Variants in SNX17 observed in about 807,000 individuals in gnomAD.
SNX17 encodes the protein sorting nexin 17, also known as sorting nexin-17.
A neutral mutation model predicts 64.3 loss-of-function variants in SNX17; 35 were observed. That is an observed-to-expected ratio of 0.54 (90% CI 0.42 to 0.72). SNX17 has a LOEUF of 0.72. Ranked by LOEUF, SNX17 falls within the 30% of genes least tolerant of loss-of-function variation. SNX17 has a pLI of 0.00. For missense variants in SNX17, 538 were observed against 610.0 expected, an observed-to-expected ratio of 0.88 and a Z score of 1.24; for synonymous variants, 259 against 230.2, an observed-to-expected ratio of 1.13 and a Z score of -1.13.
intron 5 of SNX17, 34 bp from the exon 6 acceptor site, chr2:27,374,051 G>A (rs781126520): frequency 3.7e-6 from 6 of 1,610,696 alleles, no homozygotes; most frequent in Non-Finnish European, 4.2e-6. Context: ...GAACCAGCCA[G>A]TATGATGAGC....
chr2:27,376,571 C>T, intron 14 of SNX17, 35 bp from the exon 15 acceptor site: 1 of 1,613,796 alleles, frequency 6.2e-7, no homozygotes, highest in Non-Finnish European at 8.5e-7. Flanking sequence ...TCTTGCACGC[C>T]CAAGATCTCT....
intron 7 of SNX17, 66 bp downstream of exon 7, chr2:27,374,499 T>G: frequency 6.9e-7 from 1 of 1,449,450 alleles, no homozygotes. Flanking sequence ...TTGGGCCACA[T>G]ATTGAGACAG....
At position 27,374,348 on chromosome 2, in the gene SNX17, G is replaced by A. The variant is rs1682949793; in HGVS notation, c.526G>A (p.Val176Ile). 1 of 1,595,008 alleles carries A rather than the reference G, an allele frequency of 6.3e-7. No individual in the cohort carries two copies. Among genetic ancestry groups the A allele is most frequent in the Non-Finnish European group, 8.5e-7 (1 of 1,170,004 alleles). The change falls in exon 7 of 15, where the codon GTA becomes ATA. Residue 176 changes from valine (V) to isoleucine (I), a missense_variant and splice_region_variant. Coordinates refer to ENST00000233575, the MANE Select transcript of SNX17 (RefSeq NM_014748.4). ...REKEDGAFSFVRKLQEFELPY... is the reference protein window; with the variant it reads ...REKEDGAFSFIRKLQEFELPY... The stretch of plus-strand genomic sequence containing the variant: ...ATTTTTTTTTTTTTAACCTGTAGTT[G>A]TACGGAAGTTGCAAGAGTTTGAGCT...
Position 27,377,188 on chromosome 2 carries a change from G to T in SNX17, c.*469G>T. On this transcript the variant is annotated 3_prime_UTR_variant, in exon 15 of 15. Coordinates refer to ENST00000233575, the MANE Select transcript of SNX17 (RefSeq NM_014748.4). The surrounding 1 kb of genome is among the most constrained non-coding windows in gnomAD (Gnocchi z 4.4). ...ATCACAGCATGGACTACTATGCTAAGGGTAAGGCCAAATTGCCTGCCATTG... is the reference window on the plus strand; with the variant it reads ...ATCACAGCATGGACTACTATGCTAATGGTAAGGCCAAATTGCCTGCCATTG... 1 of 464,038 alleles carries T rather than the reference G, an allele frequency of 2.2e-6. No individual in the cohort carries two copies. The highest frequency in any genetic ancestry group is 4.0e-6 in the Non-Finnish European group (1 of 250,590). 28.7% of individuals were successfully genotyped at this position (464,038 alleles called of 1,614,324 possible). A position where few individuals can be genotyped will look rare whatever the true frequency, so the allele number is the denominator to read the frequency against.
chr2:27,374,167 C>T lies in SNX17; in HGVS notation c.515C>T (p.Ala172Val). The T allele has an allele frequency of 1.2e-6, 2 of 1,613,700 alleles. No homozygotes were observed. The highest frequency in any genetic ancestry group is 1.7e-6 in the Non-Finnish European group (2 of 1,179,890). Residue 172 changes from alanine (A) to valine (V), a missense_variant, in exon 6 of 15, where the codon GCC becomes GTC. Ala to Val is a moderately conservative substitution (Grantham distance 64). Transcript: ENST00000233575. The stretch of plus-strand genomic sequence containing the variant: ...TTAGTTCGAGAAAAAGAGGATGGAG[C>T]CTTTTCTTGTGAGTTTCTCTGGACT... ...LFLVREKEDGAFSFVRKLQEF... is the reference protein window; with the variant it reads ...LFLVREKEDGVFSFVRKLQEF...
chr2:27,371,228 G>T, intron 1 of SNX17, 41 bp from the exon 2 acceptor site: 2 of 1,581,186 alleles, frequency 1.3e-6, no homozygotes, highest in South Asian at 2.2e-5. Flanking sequence ...GGGTTGCGCA[G>T]ACCGCAACCC....
rs1683098833 is a variant in SNX17, at chr2:27,375,449, T to A, written c.775-57T>A. The A allele has an allele frequency of 6.2e-6, 10 of 1,603,030 alleles. No individual in the cohort carries two copies. The highest frequency in any genetic ancestry group is 8.5e-6 in the Non-Finnish European group (10 of 1,172,044). On this transcript the variant is annotated intron_variant, in intron 9 of 14. Transcript: ENST00000233575. The surrounding 1 kb of genome is among the most constrained non-coding windows in gnomAD (Gnocchi z 4.1). Reference sequence around the variant, plus strand: ...CACCGCGCCCGACCGGGGTTGCTTTTTCTGAGCTGCCCCATTCTCCCTCCT... The same window carrying A: ...CACCGCGCCCGACCGGGGTTGCTTTATCTGAGCTGCCCCATTCTCCCTCCT...
chr2:27,376,716 G>A lies in SNX17; in HGVS notation c.1410G>A (p.Leu470=). ...FAFEGIGDED[L] ...TCGAGGGCATTGGAGATGAGGATCTGTAATCTCCACTGCTTGGATGTCTGC... is the reference window on the plus strand; with the variant it reads ...TCGAGGGCATTGGAGATGAGGATCTATAATCTCCACTGCTTGGATGTCTGC... Residue 470 remains leucine (L), a synonymous_variant, in exon 15 of 15, where the codon CTG becomes CTA. Transcript: ENST00000233575. 5 of 1,611,934 alleles carry A rather than the reference G, an allele frequency of 3.1e-6. No homozygotes were observed. The highest frequency in any genetic ancestry group is 4.2e-6 in the Non-Finnish European group (5 of 1,177,996).
In SNX17 at chr2:27,372,616, T is replaced by C. The variant is rs1036578615; in HGVS notation, c.139-7T>C. On this transcript the variant is annotated splice_polypyrimidine_tract_variant and splice_region_variant and intron_variant, in intron 2 of 14. Coordinates refer to ENST00000233575, the MANE Select transcript of SNX17 (RefSeq NM_014748.4). ...ATGTGAAGGGTTGTATCTCTTTCTC[T>C]AAATAGCTTCGGAAGGAGTATGGGG... 2.5e-6 allele frequency: 4 copies of C among 1,614,108 alleles called. No homozygotes were observed. The highest frequency in any genetic ancestry group is 2.5e-6 in the Non-Finnish European group (3 of 1,180,036).
At chr2:27,376,238 T>A (rs1401451103) in intron 12 of SNX17, 55 bp downstream of exon 12, 1 of 1,613,178 alleles carries the variant, frequency 6.2e-7, no homozygotes, top group Non-Finnish European at 8.5e-7. Context: ...TTGCCTTTTG[T>A]CCTAGATGTG....
chr2:27,377,361 T>C lies in SNX17; in HGVS notation c.*642T>C. The stretch of plus-strand genomic sequence containing the variant: ...AGTGGAGGTGAATACAGGGCCCTTC[T>C]CACTGAGCTCGTGAAGTGCCTCAGT... On this transcript the variant is annotated 3_prime_UTR_variant, in exon 15 of 15. Transcript: ENST00000233575. This position sits in a 1 kb window ranked among gnomAD's most constrained non-coding sequence, Gnocchi z 4.4. 1 of 727,878 alleles carries C rather than the reference T, an allele frequency of 1.4e-6. No individual in the cohort carries two copies. Among genetic ancestry groups the C allele is most frequent in the East Asian group, 2.7e-5 (1 of 37,434 alleles). 45.1% of individuals were successfully genotyped at this position (727,878 alleles called of 1,614,324 possible).
chr2:27,377,143 TCA>T lies in SNX17; in HGVS notation c.*426_*427del, dbSNP rs1185809827. The T allele has an allele frequency of 9.6e-6, 4 of 415,342 alleles. 1 individual carries two copies. The highest frequency in any genetic ancestry group is 1.8e-5 in the Non-Finnish European group (4 of 221,730). The allele number at this position is 415,342 out of a possible 1,614,324, so 25.7% of individuals were successfully genotyped here. A position where few individuals can be genotyped will look rare whatever the true frequency, so the allele number is the denominator to read the frequency against. ...ACTGCTGCCTACCTCTGGTTCCCTC[TCA>T]CTGCCCCTGCTTCCCCCATCACAGC... On this transcript the variant is annotated 3_prime_UTR_variant, in exon 15 of 15. Coordinates refer to ENST00000233575, the MANE Select transcript of SNX17 (RefSeq NM_014748.4). This position sits in a 1 kb window ranked among gnomAD's most constrained non-coding sequence, Gnocchi z 4.4.
intron 2 of SNX17, chr2:27,371,713 C>T (rs996356197): frequency 1.1e-5 from 2 of 183,536 alleles, no homozygotes; most frequent in African/African-American, 4.7e-5. Context: ...CTTATACAAA[C>T]GATTCACCGA....
rs1268745890 is a variant in SNX17, at chr2:27,373,900, G to A, written c.361G>A (p.Val121Met). ...CCCCACAGAGGAAGTGTCCTTGGAA[G>A]TGCTGCTCAGCAACGGGCAGAAAGT... The part of the protein sequence containing the change: ...QVPTEEVSLE[V>M]LLSNGQKVLV... Residue 121 changes from valine to methionine, a missense_variant, in exon 5 of 15, where the codon GTG becomes ATG. Transcript: ENST00000233575. 2 of 1,613,996 alleles carry A rather than the reference G, an allele frequency of 1.2e-6. No individual in the cohort carries two copies. Among genetic ancestry groups the A allele is most frequent in the Non-Finnish European group, 1.7e-6 (2 of 1,180,052 alleles).
At chr2:27,371,509 C>A in intron 2 of SNX17, 166 bp downstream of exon 2, 1 of 1,355,616 alleles carries the variant, frequency 7.4e-7, no homozygotes, top group East Asian at 2.9e-5. Flanking sequence ...TCCGGGAACT[C>A]CCTAAGAAGC....
Position 27,374,449 on chromosome 2 carries a change from G to C in SNX17, c.611+16G>C. Reference sequence around the variant, plus strand: ...TAAGGAAGAGGTCAGGGCTGGGCCTGGAAGGGGAGGGGTGGGAGGTGCTGT... The same window carrying C: ...TAAGGAAGAGGTCAGGGCTGGGCCTCGAAGGGGAGGGGTGGGAGGTGCTGT... On this transcript the variant is annotated intron_variant, in intron 7 of 14. Transcript: ENST00000233575. 1.9e-6 allele frequency: 3 copies of C among 1,604,784 alleles called. No individual in the cohort carries two copies. The highest frequency in any genetic ancestry group is 1.7e-6 in the Non-Finnish European group (2 of 1,171,864).
chr2:27,374,716 T>C lies in SNX17; in HGVS notation c.639T>C (p.Asp213=). 6.2e-7 allele frequency: 1 copy of C among 1,614,146 alleles called. No individual in the cohort carries two copies. Among genetic ancestry groups the C allele is most frequent in the Non-Finnish European group, 8.5e-7 (1 of 1,180,022 alleles). ...KSYWDSAYDD[D]VMENRVGLNL... ...ATTGGGACTCTGCCTATGATGACGA[T>C]GTCATGGAGAACCGGGTTGGCCTGA... Residue 213 remains aspartate (D), a synonymous_variant, in exon 8 of 15, where the codon GAT becomes GAC. Coordinates refer to ENST00000233575, the MANE Select transcript of SNX17 (RefSeq NM_014748.4).
At chr2:27,373,523 C>T (rs552778587) in intron 4 of SNX17, 5 of 566,876 alleles carry the variant, frequency 8.8e-6, no homozygotes, top group South Asian at 4.1e-5. Context: ...CCACCATGTC[C>T]GGCTCATTTT....
chr2:27,375,427 C>G lies in SNX17; in HGVS notation c.775-79C>G, dbSNP rs780926110. 2 of 1,497,344 alleles carry G rather than the reference C, an allele frequency of 1.3e-6. No homozygotes were observed. Among genetic ancestry groups the G allele is most frequent in the African/African-American group, 2.8e-5 (2 of 72,668 alleles). 92.8% of individuals were successfully genotyped at this position (1,497,344 alleles called of 1,614,324 possible). On this transcript the variant is annotated intron_variant, in intron 9 of 14. Transcript: ENST00000233575. This position sits in a 1 kb window ranked among gnomAD's most constrained non-coding sequence, Gnocchi z 4.1. ...TGCTGGGATTATAGGCATGAGCCAC[C>G]GCGCCCGACCGGGGTTGCTTTTTCT...
Sources: gnomAD v4.1 joint callset for allele counts on GRCh38, gnomAD v4.1.1 for gene constraint, Gnocchi (gnomAD v3.1) non-coding constraint, MANE v1.5 for transcripts, NCBI Gene and HGNC (gene_info 2026-07-23, HGNC 2026-07-21) for gene names.